Variants in ZNF565 observed in about 807,000 individuals in gnomAD.
ZNF565 encodes the protein zinc finger protein 565.
A neutral mutation model predicts 39.4 loss-of-function variants in ZNF565; 27 were observed. The ratio of observed to expected loss-of-function variants is 0.69; its 90% CI spans 0.51 to 0.95. The LOEUF (loss-of-function observed/expected upper bound fraction) is 0.95. Ranked by LOEUF, ZNF565 falls within the 40% of genes least tolerant of loss-of-function variation. ZNF565 has a pLI of 0.00. For missense variants in ZNF565, 524 were observed against 621.1 expected (o/e 0.84, Z 1.66); for synonymous variants, 185 against 216.6 (o/e 0.85, Z 1.28).
At chr19:36,195,445 T>TAA (rs917551098) in intron 2 of ZNF565, among the ~76,000 whole-genome samples, 1 of 151,788 alleles carries the variant, frequency 6.6e-6, no homozygotes, top group African/African-American at 2.4e-5. Flanking sequence ...GAAAAACACA[T>TAA]AATAATCAGA....
chr19:36,209,550 T>A (rs1206959430), intron 1 of ZNF565, among the ~76,000 whole-genome samples: 3 of 145,518 alleles, frequency 2.1e-5, no homozygotes, highest in African/African-American at 8.1e-5. Context: ...CAATGGGCAA[T>A]GGGATTGGGA....
At chr19:36,224,676 G>A (rs957130729) in intron 1 of ZNF565, among the ~76,000 whole-genome samples, 1 of 152,054 alleles carries the variant, frequency 6.6e-6, no homozygotes, top group Non-Finnish European at 1.5e-5. Flanking sequence ...AGCTTGTCTC[G>A]TTCCAGAGGG....
At chr19:36,226,376 T>C (rs1977067903) in intron 1 of ZNF565, among the ~76,000 whole-genome samples, 1 of 152,230 alleles carries the variant, frequency 6.6e-6, no homozygotes, top group African/African-American at 2.4e-5. Flanking sequence ...TGATCAAGCT[T>C]TTTCAACATA....
At chr19:36,210,957 C>T (rs1470556709) in intron 1 of ZNF565, among the ~76,000 whole-genome samples, 2 of 150,676 alleles carry the variant, frequency 1.3e-5, no homozygotes, top group African/African-American at 4.9e-5. Flanking sequence ...ACACAGGAAT[C>T]GACTTGAAGG....
intron 2 of ZNF565, among the ~76,000 whole-genome samples, 184 bp downstream of exon 2, chr19:36,201,793 C>G (rs1307991358): frequency 2.0e-5 from 3 of 152,074 alleles, no homozygotes; most frequent in African/African-American, 7.2e-5. Context: ...GCTAAGAGGA[C>G]TACAGACACG....
Position 36,189,400 on chromosome 19 carries a change from C to T in ZNF565, c.232+4833G>A, listed in dbSNP as rs1244467139. ...TGTGATCTTGGCTCACTGCAACCTC[C>T]GCCTCCCGGGTTCAAACAATTTTCC... On this transcript the variant is annotated intron_variant, in intron 4 of 4. Coordinates refer to ENST00000304116, the MANE Select transcript of ZNF565 (RefSeq NM_152477.5). Among the ~76,000 whole-genome samples the T allele has an allele frequency of 2.6e-5, 4 of 151,896 alleles. No homozygotes were observed. The East Asian group carries it at 5.8e-4, about 22-fold the overall frequency.
At chr19:36,211,106 A>T (rs1976338371) in intron 1 of ZNF565, among the ~76,000 whole-genome samples, 1 of 152,106 alleles carries the variant, frequency 6.6e-6, no homozygotes, top group Non-Finnish European at 1.5e-5. Context: ...TTTAGTAAAT[A>T]AAAAAATGGG....
chr19:36,206,690 G>A (rs1442922450), intron 1 of ZNF565, among the ~76,000 whole-genome samples: 1 of 152,014 alleles, frequency 6.6e-6, no homozygotes, highest in Non-Finnish European at 1.5e-5. Context: ...AAATTAGCTG[G>A]GTGTGGTGGC....
chr19:36,208,156 T>C (rs920862618), intron 1 of ZNF565, among the ~76,000 whole-genome samples: 3 of 151,824 alleles, frequency 2.0e-5, no homozygotes, highest in African/African-American at 7.3e-5. Context: ...AAGGGATTTT[T>C]CACAAACCCA....
Position 36,182,376 on chromosome 19 carries a change from T to C in ZNF565, c.*90A>G, listed in dbSNP as rs1276759922. ...TGGAAGTGACAGGTGTTTTCTGACA[T>C]TAATTACACTACATTAAAAATTACC... On this transcript the variant is annotated 3_prime_UTR_variant, in exon 5 of 5. Coordinates refer to ENST00000304116, the MANE Select transcript of ZNF565 (RefSeq NM_152477.5). 1.8e-6 allele frequency: 2 copies of C among 1,136,690 alleles called. No homozygotes were observed. Among genetic ancestry groups the C allele is most frequent in the African/African-American group, 1.5e-5 (1 of 64,968 alleles). The allele number at this position is 1,136,690 out of a possible 1,614,324, so 70.4% of individuals were successfully genotyped here.
Position 36,227,613 on chromosome 19 carries a change from C to T in ZNF565, c.55+17863G>A, listed in dbSNP as rs528421478. ...AGGTTGTTGCTTTTCTTTTTTATGA[C>T]AAGGTCTCACTCTGTCAGGCCATCT... On this transcript the variant is annotated intron_variant, in intron 1 of 4. Transcript: ENST00000355114. 9.0e-4 allele frequency among the ~76,000 whole-genome samples: 137 copies of T among 152,142 alleles called. 4 individuals carry two copies. The South Asian group carries it at 0.025, about 27-fold the overall frequency.
At chr19:36,237,253 T>A in intron 1 of ZNF565, 1 of 1,613,998 alleles carries the variant, frequency 6.2e-7, no homozygotes, top group Non-Finnish European at 8.5e-7. Context: ...ATCAGTGCAG[T>A]GAATGTGGGA....
chr19:36,242,079 CTG>C (rs2145480030), intron 1 of ZNF565, among the ~76,000 whole-genome samples: 1 of 152,256 alleles, frequency 6.6e-6, no homozygotes, highest in East Asian at 1.9e-4. Context: ...TATCAAGAAA[CTG>C]AAGTTCAACA....
chr19:36,233,009 C>T (rs1330278019), intron 1 of ZNF565, among the ~76,000 whole-genome samples: 2 of 152,100 alleles, frequency 1.3e-5, no homozygotes, highest in African/African-American at 2.4e-5. Context: ...TTTGTATGTC[C>T]GTATCCATGT....
intron 2 of ZNF565, among the ~76,000 whole-genome samples, chr19:36,197,450 C>T (rs906897850): frequency 1.3e-5 from 2 of 151,206 alleles, no homozygotes; most frequent in Admixed American, 6.6e-5. Flanking sequence ...CCAGCCTGGG[C>T]GACAGAGCAA....
chr19:36,198,749 C>T (rs1348051443), intron 2 of ZNF565, among the ~76,000 whole-genome samples: 1 of 152,046 alleles, frequency 6.6e-6, no homozygotes, highest in East Asian at 1.9e-4. Flanking sequence ...TAGGTGCCCA[C>T]CACCACGCCC....
chr19:36,212,692 G>C (rs552811802), intron 1 of ZNF565, among the ~76,000 whole-genome samples: 2 of 152,042 alleles, frequency 1.3e-5, no homozygotes, highest in African/African-American at 4.8e-5. Flanking sequence ...AAAATGAAAA[G>C]TAAAGAAAAA....
intron 4 of ZNF565, among the ~76,000 whole-genome samples, chr19:36,191,094 TTC>T (rs1398051874): frequency 6.6e-6 from 1 of 150,872 alleles, no homozygotes; most frequent in Non-Finnish European, 1.5e-5. Context: ...CTACAGCATA[TTC>T]TTTTTTTTTT....
At chr19:36,222,891 T>A (rs922871416) in intron 1 of ZNF565, among the ~76,000 whole-genome samples, 1 of 129,456 alleles carries the variant, frequency 7.7e-6, no homozygotes, top group African/African-American at 2.6e-5. Context: ...TTAGTAATAA[T>A]AGTTTCTTTT....
Sources: allele counts gnomAD v4.1 joint callset (sites outside exome capture counted in the v4.1 genomes callset), GRCh38; gene constraint gnomAD v4.1.1; transcripts MANE v1.5; gene names NCBI Gene and HGNC (gene_info 2026-07-23, HGNC 2026-07-21).